Variants in CR2 observed in about 807,000 individuals in gnomAD.
CR2 encodes the protein complement receptor type 2.
A neutral mutation model predicts 123.0 loss-of-function variants in CR2; 96 were observed. That is an observed-to-expected ratio of 0.78 (90% CI 0.66 to 0.93). The LOEUF (loss-of-function observed/expected upper bound fraction) is 0.93, where lower values mean the gene tolerates loss of function less well. CR2 is among the 40% of genes least tolerant of loss of function. The probability of loss-of-function intolerance (pLI) is 0.00; values close to 1 mark genes in which losing one functional copy is unlikely to be tolerated. For missense variants in CR2, 1,258 were observed against 1,361.0 expected (o/e 0.92, Z 1.19); for synonymous variants, 484 against 469.5 (o/e 1.03, Z -0.40).
At position 207,476,158 on chromosome 1, in the gene CR2, C is replaced by T. The variant is rs551365850; in HGVS notation, c.2717-76C>T. 7.2e-4 allele frequency: 1,009 copies of T among 1,410,072 alleles called. 3 individuals are homozygous for T. The highest frequency in any genetic ancestry group is 5.6e-3 in the South Asian group (485 of 85,980). The allele number at this position is 1,410,072 out of a possible 1,614,324, so 87.3% of individuals were successfully genotyped here. A position where few individuals can be genotyped will look rare whatever the true frequency, so the allele number is the denominator to read the frequency against. ...CTTGTTGCTTCTGGCCTTCCTGTAT[C>T]GCTATCACCCAGAGATAGTGCAGGC... On this transcript the variant is annotated intron_variant, in intron 14 of 19. Coordinates refer to ENST00000367057, the MANE Select transcript of CR2 (RefSeq NM_001006658.3).
intron 1 of CR2, among the ~76,000 whole-genome samples, chr1:207,463,634 CTCTT>C (rs960519594): frequency 2.4e-4 from 36 of 152,180 alleles, no homozygotes; most frequent in African/African-American, 8.7e-4. Context: ...GAGATGATCA[CTCTT>C]TATTTTTATT....
At chr1:207,481,250 A>C (rs1190596100) in intron 18 of CR2, among the ~76,000 whole-genome samples, 1 of 151,950 alleles carries the variant, frequency 6.6e-6, no homozygotes, top group Non-Finnish European at 1.5e-5. Flanking sequence ...CTATATATTC[A>C]ATTTTTTCAA....
chr1:207,469,602 C>A, intron 5 of CR2, 93 bp from the exon 6 acceptor site: 1 of 1,145,336 alleles, frequency 8.7e-7, no homozygotes, highest in Non-Finnish European at 1.3e-6. Flanking sequence ...TCGGATATCA[C>A]TGTCCTAGGA....
Position 207,469,775 on chromosome 1 carries a change from A to T in CR2, c.898A>T (p.Ile300Leu). Residue 300 changes from isoleucine to leucine, a missense_variant, in exon 6 of 20, where the codon ATA (isoleucine) becomes TTA (leucine). Transcript: ENST00000367057. ...ACTAGCAAATGTCTCATATGGAAGC[A>T]TAGTCACTTACACTTGTGACCCGGA... ...NSLANVSYGS[I>L]VTYTCDPDPE... 1 of 1,614,022 alleles carries T rather than the reference A, an allele frequency of 6.2e-7. No homozygotes were observed. Among genetic ancestry groups the T allele is most frequent in the Non-Finnish European group, 8.5e-7 (1 of 1,179,914 alleles).
At chr1:207,478,350 T>C (rs1277368951) in intron 16 of CR2, among the ~76,000 whole-genome samples, 1 of 150,974 alleles carries the variant, frequency 6.6e-6, no homozygotes, top group Admixed American at 6.6e-5. Flanking sequence ...TAGTGAGACC[T>C]GGTCTCTACC....
intron 18 of CR2, among the ~76,000 whole-genome samples, chr1:207,485,158 A>AG (rs1658714673): frequency 6.6e-6 from 1 of 152,184 alleles, no homozygotes; most frequent in South Asian, 2.1e-4. Flanking sequence ...GGGCACAGGG[A>AG]GGGAAACATC....
At chr1:207,475,239 G>A (rs200087363) in intron 14 of CR2, 23 bp downstream of exon 14, 14 of 1,613,380 alleles carry the variant, frequency 8.7e-6, no homozygotes, top group Admixed American at 1.7e-5. Flanking sequence ...GAAGGGATAA[G>A]TTATGGGATG....
intron 1 of CR2, among the ~76,000 whole-genome samples, chr1:207,465,031 A>G (rs1658059746): frequency 6.6e-6 from 1 of 152,112 alleles, no homozygotes; most frequent in South Asian, 2.1e-4. Flanking sequence ...CCTGGGTTCA[A>G]GCGATTCTCC....
intron 1 of CR2, among the ~76,000 whole-genome samples, chr1:207,455,927 G>A (rs1282577795): frequency 1.3e-5 from 2 of 152,094 alleles, no homozygotes; most frequent in Admixed American, 1.3e-4. Flanking sequence ...TCTCATTTTT[G>A]TACCAGTATT....
rs748428964 is a variant in CR2 at position 207,466,853 on chromosome 1, C to T, written c.386C>T (p.Ser129Phe). 6.2e-7 allele frequency: 1 copy of T among 1,612,306 alleles called. No individual in the cohort carries two copies. Among genetic ancestry groups the T allele is most frequent in the Non-Finnish European group, 8.5e-7 (1 of 1,179,240 alleles). The stretch of plus-strand genomic sequence containing the variant: ...AACTTCTCCATGAACGGAAACAAGT[C>T]TGTTTGGTGTCAAGCAAATAATATG... ...KTNFSMNGNK[S>F]VWCQANNMWG... The change falls in exon 2 of 20, where the codon TCT becomes TTT. Residue 129 changes from serine to phenylalanine, a missense_variant. Ser to Phe is a radical substitution (Grantham distance 155). Transcript: ENST00000367057.
chr1:207,457,323 T>C (rs1657857255), intron 1 of CR2, among the ~76,000 whole-genome samples: 1 of 152,256 alleles, frequency 6.6e-6, no homozygotes, highest in Non-Finnish European at 1.5e-5. Context: ...TTCATGATCA[T>C]GTTCCATACC....
chr1:207,479,152 G>C (rs2102310743), intron 16 of CR2, 105 bp from the exon 17 acceptor site: 1 of 886,044 alleles, frequency 1.1e-6, no homozygotes, highest in South Asian at 1.3e-5. Context: ...CGACTTGGAA[G>C]GGAGCTAGAG....
chr1:207,472,697 C>T, intron 9 of CR2, 75 bp from the exon 10 acceptor site: 3 of 1,484,754 alleles, frequency 2.0e-6, no homozygotes, highest in Non-Finnish European at 2.8e-6. Flanking sequence ...TCATAACCAG[C>T]TTCATTTGGT....
intron 18 of CR2, among the ~76,000 whole-genome samples, chr1:207,481,372 C>G (rs1275450151): frequency 6.6e-6 from 1 of 152,002 alleles, no homozygotes; most frequent in African/African-American, 2.4e-5. Flanking sequence ...AGATATCTGA[C>G]ATAAATATGC....
Position 207,472,882 on chromosome 1 carries a change from G to A in CR2, c.1681G>A (p.Glu561Lys). The change falls in exon 10 of 20, where the codon GAA becomes AAA. Residue 561 changes from glutamate (E) to lysine (K), a missense_variant. Physicochemically the swap from Glu to Lys is moderately conservative, Grantham distance 56. Transcript: ENST00000367057. The part of the protein sequence containing the change: ...TVTYTCNPGP[E>K]RGVEFSLIGE... Reference sequence around the variant, plus strand: ...CACTTACACATGTAACCCTGGGCCAGAAAGAGGAGTGGAATTCAGCCTCAT... The same window carrying A: ...CACTTACACATGTAACCCTGGGCCAAAAAGAGGAGTGGAATTCAGCCTCAT... The A allele has an allele frequency of 1.2e-6, 2 of 1,614,070 alleles. No individual in the cohort carries two copies. The highest frequency in any genetic ancestry group is 1.7e-6 in the Non-Finnish European group (2 of 1,179,966).
At chr1:207,478,525 C>CAAAAAAAAAAAAAAAAAAAAAA (rs36116544) in intron 16 of CR2, among the ~76,000 whole-genome samples, 1 of 58,744 alleles carries the variant, frequency 1.7e-5, no homozygotes, top group Non-Finnish European at 3.2e-5. Context: ...AAGACCCTAT[C>CAAAAAAAAAAAAAAAAAAAAAA]AAAAAAAAAA....
chr1:207,479,964 G>T lies in CR2; in HGVS notation c.3113-14G>T, dbSNP rs1457648119. 1 of 1,604,772 alleles carries T rather than the reference G, an allele frequency of 6.2e-7. No individual in the cohort carries two copies. Among genetic ancestry groups the T allele is most frequent in the Non-Finnish European group, 8.5e-7 (1 of 1,171,912 alleles). On this transcript the variant is annotated splice_polypyrimidine_tract_variant and intron_variant, in intron 17 of 19. Coordinates refer to ENST00000367057, the MANE Select transcript of CR2 (RefSeq NM_001006658.3). ...GTCTTCTGGCATTTGATACTTGCTG[G>T]ATTTTTCTTCTAGGTATTGCTGCAG... is the stretch of plus-strand genomic sequence containing the variant.
At chr1:207,475,376 T>C (rs1365559312) in intron 14 of CR2, among the ~76,000 whole-genome samples, 160 bp downstream of exon 14, 2 of 149,402 alleles carry the variant, frequency 1.3e-5, no homozygotes, top group African/African-American at 2.6e-5. Context: ...TCTCACTTGA[T>C]TGTTTGTTTT....
At chr1:207,479,532 T>C (rs539205955) in intron 17 of CR2, among the ~76,000 whole-genome samples, 14 of 152,354 alleles carry the variant, frequency 9.2e-5, no homozygotes, top group African/African-American at 3.4e-4. Context: ...TAACTGTTGG[T>C]GTTTGGCTTG....
Sources: gnomAD v4.1 joint callset for allele counts (sites outside exome capture counted in the v4.1 genomes callset) on GRCh38, gnomAD v4.1.1 for gene constraint, MANE v1.5 for transcripts, NCBI Gene and HGNC (gene_info 2026-07-23, HGNC 2026-07-21) for gene names.